The following CALCR variants were observed in gnomAD, a reference collection of about 807,000 sequenced individuals.
The protein encoded by CALCR is calcitonin receptor.
CALCR carries 47 observed loss-of-function variants against 59.5 expected under a neutral mutation model. That is an observed-to-expected ratio of 0.79 (90% CI 0.63 to 1.01). The LOEUF is 1.01. Ranked by LOEUF, CALCR falls within the 50% of genes least tolerant of loss-of-function variation. The probability of loss-of-function intolerance (pLI) is 0.00; values close to 1 mark genes in which losing one functional copy is unlikely to be tolerated. For synonymous variants in CALCR, 213 were observed against 211.3 expected, an observed-to-expected ratio of 1.01 and a Z score of -0.07; for missense variants, 566 against 597.1, an observed-to-expected ratio of 0.95 and a Z score of 0.54.
intron 2 of CALCR, among the ~76,000 whole-genome samples, chr7:93,517,304 C>CT (rs753908420): frequency 0.024 from 3,569 of 147,200 alleles, 91 homozygotes; most frequent in Non-Finnish European, 0.032. Flanking sequence ...GATTTGAGAA[C>CT]TTTTTTTTTT....
Position 93,477,638 on chromosome 7 carries a change from C to G in CALCR, c.236G>C (p.Trp79Ser). Reference sequence around the variant, plus strand: ...AGCCGGTGTGTCATCCCAGCACAGCCATCCATCCCAGGTGCGATTGCAATA... The same window carrying G: ...AGCCGGTGTGTCATCCCAGCACAGCGATCCATCCCAGGTGCGATTGCAATA... ...GPYCNRTWDG[W>S]LCWDDTPAGV... is the part of the protein sequence containing the mutation. Residue 79 changes from tryptophan (W) to serine (S), a missense_variant, in exon 5 of 14, where the codon TGG (tryptophan) becomes TCG (serine). Coordinates refer to ENST00000426151, the MANE Select transcript of CALCR (RefSeq NM_001742.4). 1 of 1,611,144 alleles carries G rather than the reference C, an allele frequency of 6.2e-7. No individual in the cohort carries two copies. The highest frequency in any genetic ancestry group is 8.5e-7 in the Non-Finnish European group (1 of 1,178,236).
At chr7:93,495,891 A>C (rs1562996553) in intron 2 of CALCR, 1 of 1,531,864 alleles carries the variant, frequency 6.5e-7, no homozygotes, top group Non-Finnish European at 8.7e-7. Flanking sequence ...TGTATCCACA[A>C]ATGGGCACTT....
rs1051096454 is a variant in CALCR at position 93,425,105 on chromosome 7, T to A, written c.*1251A>T. ...AATTAATTTCAGGTGCCAGTAACGA[T>A]ACTGGTTTATTCAGGATTTTCAAAA... On this transcript the variant is annotated 3_prime_UTR_variant, in exon 14 of 14. Coordinates refer to ENST00000426151, the MANE Select transcript of CALCR (RefSeq NM_001742.4). The A allele has an allele frequency of 5.9e-5, 9 of 152,602 alleles. No homozygotes were observed. The highest frequency in any genetic ancestry group is 2.2e-4 in the African/African-American group (9 of 41,454). 9.5% of individuals were successfully genotyped at this position (152,602 alleles called of 1,614,324 possible). A position where few individuals can be genotyped will look rare whatever the true frequency, so the allele number is the denominator to read the frequency against.
At chr7:93,542,191 G>A (rs1054340838) in intron 2 of CALCR, among the ~76,000 whole-genome samples, 2 of 152,138 alleles carry the variant, frequency 1.3e-5, no homozygotes, top group Admixed American at 6.6e-5. Flanking sequence ...ATCACACAGT[G>A]TACTTACACA....
In CALCR at chr7:93,426,598, G is replaced by GAAAAA; in HGVS notation, c.1192-14_1192-10dup. 1 of 1,448,708 alleles carries GAAAAA rather than the reference G, an allele frequency of 6.9e-7. No individual in the cohort carries two copies. The highest frequency in any genetic ancestry group is 1.9e-5 in the Admixed American group (1 of 52,034). The allele number at this position is 1,448,708 out of a possible 1,614,324, so 89.7% of individuals were successfully genotyped here. ...TTCACGGTGGTTTGGACCTGGAAGA[G>GAAAAA]AAAAAGGAGCCTTGTTTTTATATGA... On this transcript the variant is annotated splice_polypyrimidine_tract_variant and intron_variant, in intron 13 of 13. Coordinates refer to ENST00000426151, the MANE Select transcript of CALCR (RefSeq NM_001742.4).
At chr7:93,484,017 C>T (rs1800866267) in intron 3 of CALCR, 1 of 519,422 alleles carries the variant, frequency 1.9e-6, no homozygotes, top group Non-Finnish European at 4.0e-6. Flanking sequence ...ACCAAGCTGC[C>T]ACCAACAGCA....
At chr7:93,569,595 C>T (rs915290429) in intron 2 of CALCR, among the ~76,000 whole-genome samples, 5 of 152,158 alleles carry the variant, frequency 3.3e-5, no homozygotes, top group Admixed American at 6.5e-5. Context: ...TATTGGAATA[C>T]ATACCACAGG....
intron 2 of CALCR, among the ~76,000 whole-genome samples, chr7:93,540,520 C>T (rs1460243249): frequency 1.3e-5 from 2 of 151,904 alleles, no homozygotes; most frequent in East Asian, 1.9e-4. Context: ...TTACTTACAG[C>T]AAAATTGGAG....
At chr7:93,495,986 T>C (rs572948962) in intron 2 of CALCR, 10 of 1,400,944 alleles carry the variant, frequency 7.1e-6, no homozygotes, top group Admixed American at 2.3e-5. Context: ...TGTGAATAAA[T>C]AAAATGAAAA....
intron 3 of CALCR, among the ~76,000 whole-genome samples, chr7:93,485,879 C>T (rs1421476281): frequency 6.6e-6 from 1 of 151,544 alleles, no homozygotes; most frequent in African/African-American, 2.4e-5. Context: ...AAAAGGGTTG[C>T]ATTAATAGTC....
chr7:93,482,742 T>C (rs757054496), intron 3 of CALCR: 7 of 532,404 alleles, frequency 1.3e-5, no homozygotes, highest in South Asian at 9.8e-5. Flanking sequence ...GTAGTTATAA[T>C]TCATGCTGAT....
chr7:93,516,432 G>C (rs904859832), intron 2 of CALCR, among the ~76,000 whole-genome samples: 1 of 151,856 alleles, frequency 6.6e-6, no homozygotes, highest in East Asian at 1.9e-4. Context: ...TAAACTTGGG[G>C]CTAGTATCAT....
chr7:93,505,623 ACTT>A (rs371377765), intron 2 of CALCR, among the ~76,000 whole-genome samples: 2 of 152,248 alleles, frequency 1.3e-5, no homozygotes, highest in African/African-American at 4.8e-5. Context: ...ACTTTGCTAA[ACTT>A]CTTATCTCCA....
chr7:93,532,349 G>T (rs1320828816), intron 2 of CALCR, among the ~76,000 whole-genome samples: 1 of 152,046 alleles, frequency 6.6e-6, no homozygotes, highest in African/African-American at 2.4e-5. Context: ...TAGTTATTCA[G>T]TCTTTTCTAC....
At position 93,555,134 on chromosome 7, in the gene CALCR, G is replaced by A. The variant is rs556994842; in HGVS notation, c.-27+19155C>T. ...CTTGAGGGCTGCTGGGAACTTCTGTGTAAGCAGGTCCCAGCCAGATGAGAG... is the reference window on the plus strand; with the variant it reads ...CTTGAGGGCTGCTGGGAACTTCTGTATAAGCAGGTCCCAGCCAGATGAGAG... On this transcript the variant is annotated intron_variant, in intron 2 of 13. Coordinates refer to ENST00000426151, the MANE Select transcript of CALCR (RefSeq NM_001742.4). 3.3e-5 allele frequency among the ~76,000 whole-genome samples: 5 copies of A among 152,092 alleles called. No homozygotes were observed. The South Asian group carries it at 1.0e-3, about 32-fold the overall frequency.
intron 2 of CALCR, among the ~76,000 whole-genome samples, chr7:93,556,677 A>T (rs567508920): frequency 1.2e-3 from 189 of 151,684 alleles, no homozygotes; most frequent in South Asian, 5.6e-3. Context: ...ATATATATAT[A>T]TTTTTTCCTG....
intron 2 of CALCR, among the ~76,000 whole-genome samples, chr7:93,546,763 G>A (rs1289683563): frequency 2.7e-5 from 4 of 150,224 alleles, no homozygotes; most frequent in East Asian, 3.9e-4. Flanking sequence ...GTTTTGCCAT[G>A]TTGCCCAGGC....
intron 2 of CALCR, among the ~76,000 whole-genome samples, chr7:93,531,572 A>G (rs1376796491): frequency 6.6e-6 from 1 of 152,112 alleles, no homozygotes; most frequent in Non-Finnish European, 1.5e-5. Context: ...GCTTGAATTT[A>G]TTTTTATATA....
rs749628730 is a variant in CALCR, at chr7:93,434,281, G to A, written c.1163C>T (p.Ala388Val). Reference protein sequence around the residue: ...SLIHFQGFFVATIYCFCNNEV... With the variant: ...SLIHFQGFFVVTIYCFCNNEV... ...ATTGTTGCAGAAGCAGTAGATGGTCGCAACAAAGAAGCCCTAAAAAGGGAA... is the reference window on the plus strand; with the variant it reads ...ATTGTTGCAGAAGCAGTAGATGGTCACAACAAAGAAGCCCTAAAAAGGGAA... Residue 388 changes from alanine (A) to valine (V), a missense_variant, in exon 13 of 14, where the codon GCG (alanine) becomes GTG (valine). Transcript: ENST00000426151. 49 of 1,608,448 alleles carry A rather than the reference G, an allele frequency of 3.0e-5. No homozygotes were observed. The highest frequency in any genetic ancestry group is 1.6e-4 in the Middle Eastern group (1 of 6,064).
Sources: allele counts gnomAD v4.1 joint callset (sites outside exome capture counted in the v4.1 genomes callset), GRCh38; gene constraint gnomAD v4.1.1; transcripts MANE v1.5; gene names NCBI Gene and HGNC (gene_info 2026-07-23, HGNC 2026-07-21).